ARID3B: variants seen among roughly 807,000 people sequenced by gnomAD.
ARID3B encodes AT-rich interaction domain 3B, also known as AT-rich interactive domain-containing protein 3B.
In ARID3B, 10 loss-of-function variants were observed where a neutral mutation model predicts 51.9. That is an observed-to-expected ratio of 0.19 (90% CI 0.12 to 0.33). The LOEUF (loss-of-function observed/expected upper bound fraction) is 0.33, where lower values mean the gene tolerates loss of function less well. ARID3B is among the 10% of genes least tolerant of loss of function. ARID3B has a pLI of 1.00. For missense variants in ARID3B, 483 were observed against 716.3 expected (o/e 0.67, Z 3.72); for synonymous variants, 205 against 279.5 (o/e 0.73, Z 2.66).
At chr15:74,592,773 G>A (rs910008570) in intron 7 of ARID3B, among the ~76,000 whole-genome samples, 14 of 152,196 alleles carry the variant, frequency 9.2e-5, no homozygotes. Context: ...CCTCAAAGTT[G>A]GGGCTGGGTC....
intron 5 of ARID3B, 107 bp downstream of exon 5, chr15:74,590,110 G>C: frequency 1.5e-6 from 2 of 1,299,742 alleles, no homozygotes; most frequent in Non-Finnish European, 2.1e-6. Context: ...AGCAAGATGA[G>C]TGGATTCCCG....
intron 2 of ARID3B, among the ~76,000 whole-genome samples, chr15:74,546,610 T>C (rs2061616819): frequency 6.6e-6 from 1 of 152,264 alleles, no homozygotes; most frequent in Non-Finnish European, 1.5e-5. Context: ...TATGACTACG[T>C]AGCTCAGTAT....
chr15:74,574,482 C>T (rs528204317), intron 4 of ARID3B: 1 of 152,308 alleles, frequency 6.6e-6, no homozygotes, highest in Admixed American at 6.5e-5. Flanking sequence ...TCTAAGTTAA[C>T]TTCTCTCTCT....
At chr15:74,571,615 C>T (rs893799225) in intron 2 of ARID3B, among the ~76,000 whole-genome samples, 2 of 152,192 alleles carry the variant, frequency 1.3e-5, no homozygotes, top group African/African-American at 4.8e-5. Context: ...ATTGGTGTGC[C>T]AGGCAATGTG....
intron 4 of ARID3B, among the ~76,000 whole-genome samples, chr15:74,582,760 C>T (rs2061766487): frequency 6.6e-6 from 1 of 152,114 alleles, no homozygotes; most frequent in African/African-American, 2.4e-5. Context: ...CTTGTGTTCA[C>T]TGAAAGATAC....
rs576943322 is a variant in ARID3B, at chr15:74,549,322, G to A, written c.552+4834G>A. Among the ~76,000 whole-genome samples the A allele has an allele frequency of 1.1e-3, 165 of 152,178 alleles. 3 individuals carry two copies. Among genetic ancestry groups the A allele is most frequent in the South Asian group, 7.3e-3 (35 of 4,818 alleles). ...GATCTCCTGACCTCGTGATCCGTCC[G>A]CCTCGGCCTCCCAAAGTGCTGGGAT... On this transcript the variant is annotated intron_variant, in intron 2 of 8. Transcript: ENST00000346246.
chr15:74,590,732 C>G (rs1003095069), intron 5 of ARID3B, among the ~76,000 whole-genome samples: 16 of 152,094 alleles, frequency 1.1e-4, no homozygotes, highest in African/African-American at 3.6e-4. Context: ...TTCTTGGGAC[C>G]TAAGACACAA....
chr15:74,554,870 AT>A (rs2061651668), intron 2 of ARID3B, among the ~76,000 whole-genome samples: 1 of 152,142 alleles, frequency 6.6e-6, no homozygotes, highest in Admixed American at 6.5e-5. Flanking sequence ...TAAGTCATAC[AT>A]TTTTTGTTTC....
chr15:74,591,673 C>T lies in ARID3B; in HGVS notation c.1279C>T (p.Arg427Trp), dbSNP rs780212786. The change falls in exon 7 of 9, where the codon CGG (arginine) becomes TGG (tryptophan). Residue 427 changes from arginine to tryptophan, a missense_variant. This residue lies in a region of ARID3B where 265 missense variants were observed against 354.4 expected (regional missense o/e 0.75). Coordinates refer to ENST00000346246, the MANE Select transcript of ARID3B (RefSeq NM_006465.4). The surrounding 1 kb of genome is among the most constrained non-coding windows in gnomAD (Gnocchi z 5.8). ...RTAALEQLRE[R>W]LESGEPAEKK... ...CGCCGCACTGGAGCAGCTGCGGGAG[C>T]GGCTGGAGTCAGGGGAGCCTGCTGA... The T allele has an allele frequency of 6.8e-6, 11 of 1,609,748 alleles. No homozygotes were observed. Among genetic ancestry groups the T allele is most frequent in the African/African-American group, 4.0e-5 (3 of 74,806 alleles).
chr15:74,557,817 CTTTTTTTTT>C lies in ARID3B; in HGVS notation c.552+13343_552+13351del, dbSNP rs11307414. 9.7e-4 allele frequency among the ~76,000 whole-genome samples: 106 copies of C among 109,776 alleles called. 1 individual carries two copies. Among genetic ancestry groups the C allele is most frequent in the African/African-American group, 3.9e-3 (100 of 25,852 alleles). The allele number at this position is 109,776 out of a possible 152,430, so 72.0% of individuals were successfully genotyped here. On this transcript the variant is annotated intron_variant, in intron 2 of 8. Transcript: ENST00000346246. ...TTACAGTATTCTAGGTTTCGACTTACTTTTTTTTTTTTTTTTTTTTTTGAGACGGAGTCT... is the reference window on the plus strand; with the variant it reads ...TTACAGTATTCTAGGTTTCGACTTACTTTTTTTTTTTTTGAGACGGAGTCT...
chr15:74,593,492 G>C (rs2061811595), intron 8 of ARID3B, among the ~76,000 whole-genome samples: 1 of 152,188 alleles, frequency 6.6e-6, no homozygotes, highest in South Asian at 2.1e-4. Flanking sequence ...CTCGTTAATT[G>C]AAGAAGTCAG....
At chr15:74,587,951 A>G (rs1370628269) in intron 4 of ARID3B, among the ~76,000 whole-genome samples, 1 of 152,208 alleles carries the variant, frequency 6.6e-6, no homozygotes, top group East Asian at 1.9e-4. Context: ...CACTTAGGAA[A>G]GAGGCCTAAG....
chr15:74,558,699 A>G (rs558441785), intron 2 of ARID3B, among the ~76,000 whole-genome samples: 24 of 152,264 alleles, frequency 1.6e-4, no homozygotes, highest in Admixed American at 4.6e-4. Flanking sequence ...TTGGGGTGCA[A>G]GTTCTTCCTG....
At chr15:74,575,997 AGCCTTT>A (rs1396842536) in intron 4 of ARID3B, among the ~76,000 whole-genome samples, 1 of 152,174 alleles carries the variant, frequency 6.6e-6, no homozygotes, top group Non-Finnish European at 1.5e-5. Flanking sequence ...GCTGAGCTGA[AGCCTTT>A]CTCCTGTTTC....
At position 74,544,541 on chromosome 15, in the gene ARID3B, G is replaced by A; in HGVS notation, c.552+53G>A. The stretch of plus-strand genomic sequence containing the variant: ...TTGGTCTTCCTGAAGGCCAGAGAGG[G>A]GTCATGGACTGACAGGGTCAGGGGC... On this transcript the variant is annotated intron_variant, in intron 2 of 8. Coordinates refer to ENST00000346246, the MANE Select transcript of ARID3B (RefSeq NM_006465.4). 1.3e-6 allele frequency: 2 copies of A among 1,557,976 alleles called. 1 individual carries two copies. The highest frequency in any genetic ancestry group is 2.4e-5 in the South Asian group (2 of 82,152).
chr15:74,559,946 T>TA (rs1004350585), intron 2 of ARID3B, among the ~76,000 whole-genome samples: 4 of 147,436 alleles, frequency 2.7e-5, no homozygotes, highest in Admixed American at 7.0e-5. Context: ...GTAACTCCAG[T>TA]ACTTTGGAAG....
rs572587226 is a variant in ARID3B at position 74,553,289 on chromosome 15, T to G, written c.552+8801T>G. 9.2e-5 allele frequency among the ~76,000 whole-genome samples: 14 copies of G among 152,370 alleles called. No homozygotes were observed. In the South Asian group the frequency reaches 2.9e-3, roughly 32 times the overall value. ...TGTTGACATCATCCACTGATCCTACTTAGATTTCTTCTTCAGTTTTACATG... is the reference window on the plus strand; with the variant it reads ...TGTTGACATCATCCACTGATCCTACGTAGATTTCTTCTTCAGTTTTACATG... On this transcript the variant is annotated intron_variant, in intron 2 of 8. Coordinates refer to ENST00000346246, the MANE Select transcript of ARID3B (RefSeq NM_006465.4).
At chr15:74,582,633 G>A (rs1377289764) in intron 4 of ARID3B, among the ~76,000 whole-genome samples, 2 of 152,220 alleles carry the variant, frequency 1.3e-5, no homozygotes, top group Non-Finnish European at 2.9e-5. Context: ...AGCTGGGAGT[G>A]TAAAGGGATA....
chr15:74,586,180 G>A (rs981019247), intron 4 of ARID3B, among the ~76,000 whole-genome samples: 4 of 152,192 alleles, frequency 2.6e-5, no homozygotes, highest in Admixed American at 6.5e-5. Context: ...CAGGGTGCAG[G>A]GGCCACCACC....
Sources: allele counts gnomAD v4.1 joint callset (sites outside exome capture counted in the v4.1 genomes callset), GRCh38; gene constraint gnomAD v4.1.1; regional missense constraint gnomAD v4.1.1; non-coding constraint Gnocchi (gnomAD v3.1); transcripts MANE v1.5; gene names NCBI Gene and HGNC (gene_info 2026-07-23, HGNC 2026-07-21).